The following CNTLN variants were observed in gnomAD, a reference collection of about 807,000 sequenced individuals.
The protein encoded by CNTLN is centlein, centrosomal protein.
In CNTLN, 212 loss-of-function variants were observed where a neutral mutation model predicts 180.0. The ratio of observed to expected loss-of-function variants is 1.18; its 90% CI spans 1.05 to 1.32. The LOEUF is 1.32. Ranked by LOEUF, CNTLN falls within the 40% of genes most tolerant of loss-of-function variation. The pLI is 0.00. For synonymous variants in CNTLN, 722 were observed against 563.1 expected, an observed-to-expected ratio of 1.28 and a Z score of -3.99; for missense variants, 2,095 against 1,610.9, an observed-to-expected ratio of 1.30 and a Z score of -5.14.
chr9:17,179,008 G>A (rs1264976923), intron 2 of CNTLN, among the ~76,000 whole-genome samples: 2 of 146,288 alleles, frequency 1.4e-5, no homozygotes, highest in African/African-American at 5.4e-5. Flanking sequence ...ACTTTGGGAG[G>A]CCGAGGCGGG....
At chr9:17,339,258 G>C (rs1821288734) in intron 10 of CNTLN, among the ~76,000 whole-genome samples, 1 of 152,130 alleles carries the variant, frequency 6.6e-6, no homozygotes, top group Non-Finnish European at 1.5e-5. Flanking sequence ...AGCTAGAATT[G>C]CAGTAAAATA....
At chr9:17,281,973 G>C (rs1471532548) in intron 6 of CNTLN, among the ~76,000 whole-genome samples, 1 of 147,000 alleles carries the variant, frequency 6.8e-6, no homozygotes, top group South Asian at 2.2e-4. Context: ...CTTTTTTTTT[G>C]TTTGTTTTGA....
At chr9:17,360,493 G>A (rs532175611) in intron 12 of CNTLN, among the ~76,000 whole-genome samples, 4 of 152,290 alleles carry the variant, frequency 2.6e-5, no homozygotes, top group South Asian at 4.1e-4. Context: ...TACAGCCTAG[G>A]GGGTGGTGGA....
chr9:17,196,590 T>C (rs957815345), intron 2 of CNTLN, among the ~76,000 whole-genome samples: 1 of 151,818 alleles, frequency 6.6e-6, no homozygotes, highest in Non-Finnish European at 1.5e-5. Context: ...AAATAAGACT[T>C]ATATGAATAT....
In CNTLN at chr9:17,273,780, A is replaced by C; in HGVS notation, c.897A>C (p.Ser299=). The C allele has an allele frequency of 6.4e-7, 1 of 1,562,242 alleles. No individual in the cohort carries two copies. Among genetic ancestry groups the C allele is most frequent in the Non-Finnish European group, 8.6e-7 (1 of 1,157,112 alleles). The part of the protein sequence containing the change: ...LIEARKEVEV[S]QSKYNALSLQ... ...AAGCAAGGAAAGAAGTTGAAGTATC[A>C]CAGAGTAAATACAATGCTCTATCAT... The change falls in exon 6 of 26, where the codon TCA becomes TCC. Residue 299 remains serine, a synonymous_variant. Transcript: ENST00000380647.
chr9:17,262,970 T>C (rs1827119490), intron 5 of CNTLN, among the ~76,000 whole-genome samples: 1 of 151,364 alleles, frequency 6.6e-6, no homozygotes, highest in African/African-American at 2.5e-5. Flanking sequence ...GATGATCATA[T>C]GGTTTTGTTT....
intron 1 of CNTLN, among the ~76,000 whole-genome samples, chr9:17,141,687 C>T (rs1261024139): frequency 6.6e-6 from 1 of 151,912 alleles, no homozygotes; most frequent in Non-Finnish European, 1.5e-5. Context: ...TGGACTAGGG[C>T]GATAGTGGTA....
At chr9:17,300,617 G>T (rs1818277798) in intron 7 of CNTLN, 1 of 152,122 alleles carries the variant, frequency 6.6e-6, no homozygotes, top group African/African-American at 2.4e-5. Flanking sequence ...TTTGACATAG[G>T]TGCCAGGATA....
intron 10 of CNTLN, among the ~76,000 whole-genome samples, chr9:17,333,444 A>T (rs910421930): frequency 6.6e-6 from 1 of 152,094 alleles, no homozygotes; most frequent in Admixed American, 6.6e-5. Context: ...GTTTAATCAT[A>T]TAATTCTCAA....
chr9:17,279,668 G>A (rs541897830), intron 6 of CNTLN, among the ~76,000 whole-genome samples: 6 of 151,634 alleles, frequency 4.0e-5, no homozygotes, highest in African/African-American at 7.3e-5. Flanking sequence ...GCAGCTGCTC[G>A]AAACCCTCTG....
intron 5 of CNTLN, among the ~76,000 whole-genome samples, chr9:17,241,004 G>A (rs113842957): frequency 0.015 from 2,253 of 152,052 alleles, 25 homozygotes; most frequent in Non-Finnish European, 0.026. Flanking sequence ...GACTACAGGC[G>A]CCCGGCACCA....
At chr9:17,295,246 C>G (rs1314178439) in intron 6 of CNTLN, among the ~76,000 whole-genome samples, 3 of 152,148 alleles carry the variant, frequency 2.0e-5, no homozygotes, top group East Asian at 3.9e-4. Flanking sequence ...GGAGCCGGCT[C>G]TGGCCTTGGC....
chr9:17,227,164 C>T (rs1272982660), intron 3 of CNTLN, among the ~76,000 whole-genome samples: 1 of 151,716 alleles, frequency 6.6e-6, no homozygotes, highest in Admixed American at 6.6e-5. Context: ...GAGGGATCCA[C>T]CCTCATGACC....
intron 6 of CNTLN, among the ~76,000 whole-genome samples, chr9:17,279,386 A>G (rs968876238): frequency 1.3e-5 from 2 of 152,014 alleles, no homozygotes; most frequent in Non-Finnish European, 2.9e-5. Flanking sequence ...TATTGCTACC[A>G]TATGCTTTTC....
chr9:17,195,260 C>T (rs1316110368), intron 2 of CNTLN, among the ~76,000 whole-genome samples: 1 of 152,166 alleles, frequency 6.6e-6, no homozygotes, highest in Non-Finnish European at 1.5e-5. Flanking sequence ...TTACTGAAAG[C>T]TAAGTCGGTT....
intron 22 of CNTLN, 57 bp downstream of exon 22, chr9:17,466,175 C>G (rs1182763218): frequency 4.1e-6 from 6 of 1,461,008 alleles, no homozygotes; most frequent in Non-Finnish European, 5.7e-6. Flanking sequence ...GTGTTTGTTT[C>G]ATTTTTAACA....
At chr9:17,262,307 A>T (rs1363409810) in intron 5 of CNTLN, among the ~76,000 whole-genome samples, 1 of 151,632 alleles carries the variant, frequency 6.6e-6, no homozygotes, top group Non-Finnish European at 1.5e-5. Flanking sequence ...GTACAATAGC[A>T]AAGACTTGGA....
At chr9:17,292,613 C>T (rs1250986809) in intron 6 of CNTLN, among the ~76,000 whole-genome samples, 1 of 152,034 alleles carries the variant, frequency 6.6e-6, no homozygotes, top group African/African-American at 2.4e-5. Context: ...CTTATGGTTG[C>T]ATTGTGATGT....
intron 8 of CNTLN, among the ~76,000 whole-genome samples, chr9:17,324,663 C>T (rs538530614): frequency 1.2e-4 from 19 of 152,208 alleles, no homozygotes; most frequent in Middle Eastern, 3.4e-3. Context: ...TAATTGTCAT[C>T]TACTGGATAT....
Sources: allele counts gnomAD v4.1 joint callset (sites outside exome capture counted in the v4.1 genomes callset), GRCh38; gene constraint gnomAD v4.1.1; transcripts MANE v1.5; gene names NCBI Gene and HGNC (gene_info 2026-07-23, HGNC 2026-07-21).